The following IL1RAPL2 variants were observed in gnomAD, a reference collection of about 807,000 sequenced individuals.
IL1RAPL2 encodes the protein interleukin 1 receptor accessory protein like 2, also known as X-linked interleukin-1 receptor accessory protein-like 2.
In IL1RAPL2, 3 loss-of-function variants were observed where a neutral mutation model predicts 44.1. The ratio of observed to expected loss-of-function variants is 0.07; its 90% CI spans 0.03 to 0.18. The LOEUF (loss-of-function observed/expected upper bound fraction) is 0.18. IL1RAPL2 is among the 10% of genes least tolerant of loss of function. IL1RAPL2 has a pLI of 1.00. For missense variants in IL1RAPL2, 391 were observed against 496.4 expected (o/e 0.79, Z 2.02); for synonymous variants, 181 against 178.8 (o/e 1.01, Z -0.10).
intron 2 of IL1RAPL2, among the ~76,000 whole-genome samples, chrX:104,896,461 C>A (rs1415518576): frequency 1.8e-5 from 2 of 111,683 alleles, no homozygotes. Context: ...CAATTCCCAA[C>A]AGCAGTTGGG....
intron 2 of IL1RAPL2, among the ~76,000 whole-genome samples, chrX:104,789,015 A>G (rs368546722): frequency 8.5e-4 from 95 of 112,262 alleles, no homozygotes; most frequent in African/African-American, 3.0e-3. Flanking sequence ...ATGTAAATGC[A>G]TGAAGCATAT....
intron 2 of IL1RAPL2, among the ~76,000 whole-genome samples, chrX:105,088,320 T>C (rs1460805632): frequency 8.9e-6 from 1 of 112,067 alleles, no homozygotes; most frequent in African/African-American, 3.2e-5. Context: ...GTAATCACTA[T>C]AATAATGGAG....
intron 6 of IL1RAPL2, among the ~76,000 whole-genome samples, chrX:105,649,673 G>A (rs2037629604): frequency 9.0e-6 from 1 of 111,579 alleles, no homozygotes; most frequent in Admixed American, 9.5e-5. Flanking sequence ...AAGGAGTGTA[G>A]GAAATCTGCC....
At chrX:104,973,585 C>T (rs1055867701) in intron 2 of IL1RAPL2, among the ~76,000 whole-genome samples, 1 of 112,019 alleles carries the variant, frequency 8.9e-6, no homozygotes, top group Non-Finnish European at 1.9e-5. Context: ...GAATTGAAAA[C>T]TTTCTGGTAA....
Position 104,669,723 on chromosome X carries a change from G to C in IL1RAPL2, c.82+10728G>C, listed in dbSNP as rs530344568. On this transcript the variant is annotated intron_variant, in intron 2 of 10. Coordinates refer to ENST00000372582, the MANE Select transcript of IL1RAPL2 (RefSeq NM_017416.2). ...CAGGGATGAGAACCCCTGACCTATT[G>C]AGGTTTCTAGCAATCCAGTCTTTAT... 5.6e-4 allele frequency among the ~76,000 whole-genome samples: 63 copies of C among 111,695 alleles called. 1 individual carries two copies. The highest frequency in any genetic ancestry group is 2.0e-3 in the African/African-American group (61 of 30,760).
chrX:105,148,577 A>G (rs1001144766), intron 2 of IL1RAPL2, among the ~76,000 whole-genome samples: 2 of 111,817 alleles, frequency 1.8e-5, no homozygotes, highest in African/African-American at 6.5e-5. Flanking sequence ...ATAGTGATTT[A>G]TAGTTTCTCC....
At position 105,706,667 on chromosome X, in the gene IL1RAPL2, C is replaced by CA. The variant is rs202142611; in HGVS notation, c.773-10698dup. ...AATGCGGATAAAGCCCTGGAGGATA[C>CA]AAGAGAACCTCACCAACTTTGTGAA... On this transcript the variant is annotated intron_variant, in intron 6 of 10. Coordinates refer to ENST00000372582, the MANE Select transcript of IL1RAPL2 (RefSeq NM_017416.2). Among the ~76,000 whole-genome samples, 44 of 111,323 alleles carry CA rather than the reference C, an allele frequency of 4.0e-4. 1 individual carries two copies. In the East Asian group the frequency reaches 0.012, roughly 29 times the overall value.
At chrX:105,036,673 A>T (rs922563781) in intron 2 of IL1RAPL2, among the ~76,000 whole-genome samples, 5 of 112,319 alleles carry the variant, frequency 4.5e-5, no homozygotes, top group Non-Finnish European at 9.4e-5. Context: ...GGAATGCCTG[A>T]AAGAGTCTCT....
At chrX:105,508,942 T>C (rs2147785165) in intron 6 of IL1RAPL2, among the ~76,000 whole-genome samples, 1 of 112,008 alleles carries the variant, frequency 8.9e-6, no homozygotes, top group Non-Finnish European at 1.9e-5. Flanking sequence ...CAAAGAGGGT[T>C]GGTGATACTG....
At chrX:105,177,411 A>G in intron 2 of IL1RAPL2, among the ~76,000 whole-genome samples, 1 of 110,999 alleles carries the variant, frequency 9.0e-6, no homozygotes, top group Non-Finnish European at 1.9e-5. Context: ...TTTATTATAT[A>G]TTACAATGTA....
intron 5 of IL1RAPL2, among the ~76,000 whole-genome samples, chrX:105,400,510 G>A (rs2035599358): frequency 9.0e-6 from 1 of 111,029 alleles, no homozygotes; most frequent in Admixed American, 9.6e-5. Flanking sequence ...AATATCCATA[G>A]CCCAGTACTT....
At chrX:104,582,180 G>A (rs756552192) in intron 1 of IL1RAPL2, among the ~76,000 whole-genome samples, 1 of 112,112 alleles carries the variant, frequency 8.9e-6, no homozygotes, top group East Asian at 2.8e-4. Context: ...ACAAAAACAG[G>A]CAAGGCCAAG....
chrX:105,044,201 C>T (rs995122101), intron 2 of IL1RAPL2, among the ~76,000 whole-genome samples: 2 of 110,692 alleles, frequency 1.8e-5, no homozygotes, highest in Admixed American at 9.7e-5. Context: ...AGCACAGGAC[C>T]AAGACTTAGG....
intron 2 of IL1RAPL2, among the ~76,000 whole-genome samples, chrX:104,941,333 T>A (rs1290047597): frequency 9.0e-6 from 1 of 111,491 alleles, no homozygotes; most frequent in Non-Finnish European, 1.9e-5. Context: ...TATAAAAGTG[T>A]TCCTATTTCT....
intron 2 of IL1RAPL2, among the ~76,000 whole-genome samples, chrX:105,144,416 G>A (rs895384187): frequency 2.7e-5 from 3 of 110,810 alleles, no homozygotes; most frequent in Non-Finnish European, 3.8e-5. Flanking sequence ...TTTTCACTCC[G>A]TTGAATCACA....
chrX:104,718,875 T>C (rs1047238568), intron 2 of IL1RAPL2, among the ~76,000 whole-genome samples: 15 of 111,840 alleles, frequency 1.3e-4, no homozygotes, highest in Non-Finnish European at 2.6e-4. Flanking sequence ...GGCCATACAG[T>C]CTCTGTGACA....
At chrX:104,838,204 A>G (rs2073117963) in intron 2 of IL1RAPL2, among the ~76,000 whole-genome samples, 1 of 111,944 alleles carries the variant, frequency 8.9e-6, no homozygotes, top group Admixed American at 9.5e-5. Context: ...TTTCTTGGCT[A>G]TACAAGCTCT....
At chrX:104,659,791 A>T (rs892741142) in intron 2 of IL1RAPL2, among the ~76,000 whole-genome samples, 1 of 111,987 alleles carries the variant, frequency 8.9e-6, no homozygotes, top group Admixed American at 9.5e-5. Flanking sequence ...TTTATTTCTG[A>T]GAATTAAATG....
At chrX:105,747,535 T>TAATACAC (rs1569471422) in intron 8 of IL1RAPL2, among the ~76,000 whole-genome samples, 2 of 67,481 alleles carry the variant, frequency 3.0e-5, no homozygotes, top group African/African-American at 9.0e-5. Context: ...TATATATATA[T>TAATACAC]ACACACACAC....
Sources: gnomAD v4.1 joint callset for allele counts (sites outside exome capture counted in the v4.1 genomes callset) on GRCh38, gnomAD v4.1.1 for gene constraint, MANE v1.5 for transcripts, NCBI Gene and HGNC (gene_info 2026-07-23, HGNC 2026-07-21) for gene names.